Variants in ABCA12 observed in about 807,000 individuals in gnomAD.
ABCA12 encodes the protein ATP binding cassette subfamily A member 12.
In ABCA12, 156 loss-of-function variants were observed where a neutral mutation model predicts 293.5. That is an observed-to-expected ratio of 0.53 (90% CI 0.47 to 0.61). ABCA12 has a LOEUF of 0.61. ABCA12 is among the 20% of genes least tolerant of loss of function. The pLI, the probability that ABCA12 is intolerant of heterozygous loss-of-function variation, is 0.00. For synonymous variants in ABCA12, 1,063 were observed against 1,108.0 expected (o/e 0.96, Z 0.81); for missense variants, 2,797 against 3,090.2 (o/e 0.91, Z 2.25).
chr2:215,073,921 C>G (rs1701786749), intron 2 of ABCA12, among the ~76,000 whole-genome samples: 1 of 152,198 alleles, frequency 6.6e-6, no homozygotes, highest in Non-Finnish European at 1.5e-5. Context: ...GCTTAGGAAA[C>G]TAAACTCTAT....
At chr2:215,112,048 A>G (rs1702581472) in intron 1 of ABCA12, among the ~76,000 whole-genome samples, 1 of 152,256 alleles carries the variant, frequency 6.6e-6, no homozygotes, top group Admixed American at 6.5e-5. Flanking sequence ...ATAAGACACA[A>G]TGTTCTAAAC....
intron 21 of ABCA12, 57 bp from the exon 22 acceptor site, chr2:215,001,077 T>C: frequency 1.3e-6 from 2 of 1,558,368 alleles, no homozygotes; most frequent in South Asian, 1.1e-5. Flanking sequence ...ACGTTATTCA[T>C]TGTTTGGAGA....
rs1698617995 is a variant in ABCA12, at chr2:214,947,453, G to A, written c.7208C>T (p.Ala2403Val). Residue 2403 changes from alanine to valine, a missense_variant, in exon 48 of 53, where the codon GCC (alanine) becomes GTC (valine). By Grantham distance (64) the Ala-to-Val change is moderately conservative (BLOSUM62 0). This residue lies in a region of ABCA12 where 2,130 missense variants were observed against 2,427.0 expected (regional missense o/e 0.88). Coordinates refer to ENST00000272895, the MANE Select transcript of ABCA12 (RefSeq NM_173076.3). ...GTKRKLSTAL[A>V]LIGKPSILLL... ...TAGAATGGAAGGTTTCCCTATCAAG[G>A]CCAGTGCAGTGGATAATTTTCTTTT... is the stretch of plus-strand genomic sequence containing the variant. 6.2e-7 allele frequency: 1 copy of A among 1,613,940 alleles called. No individual in the cohort carries two copies. The highest frequency in any genetic ancestry group is 1.3e-5 in the African/African-American group (1 of 75,016).
At chr2:215,020,712 T>G (rs1393874178) in intron 11 of ABCA12, 1 of 123,218 alleles carries the variant, frequency 8.1e-6, no homozygotes, top group African/African-American at 3.0e-5. Flanking sequence ...TTATTTTTAT[T>G]TTTTGAGACA....
At chr2:215,016,174 G>A (rs981192780) in intron 14 of ABCA12, among the ~76,000 whole-genome samples, 1 of 151,784 alleles carries the variant, frequency 6.6e-6, no homozygotes, top group Non-Finnish European at 1.5e-5. Context: ...GGGGAAAAAA[G>A]AGACAAGGAG....
intron 1 of ABCA12, among the ~76,000 whole-genome samples, chr2:215,133,084 G>C (rs1275970401): frequency 6.9e-6 from 1 of 144,878 alleles, no homozygotes; most frequent in South Asian, 2.3e-4. Flanking sequence ...CTGCCAAGAA[G>C]TCCACTGTTA....
intron 8 of ABCA12, 92 bp downstream of exon 8, chr2:215,036,861 T>C: frequency 9.0e-7 from 1 of 1,108,164 alleles, no homozygotes; most frequent in Non-Finnish European, 1.4e-6. Flanking sequence ...AATAATATCA[T>C]CTCTACATGA....
At chr2:215,128,700 C>A (rs1392573798) in intron 1 of ABCA12, among the ~76,000 whole-genome samples, 1 of 151,498 alleles carries the variant, frequency 6.6e-6, no homozygotes, top group Non-Finnish European at 1.5e-5. Context: ...CCCTTCACTT[C>A]TTCTTTCATG....
intron 23 of ABCA12, among the ~76,000 whole-genome samples, chr2:214,992,269 C>T (rs945983859): frequency 1.3e-5 from 2 of 151,464 alleles, no homozygotes; most frequent in East Asian, 2.0e-4. Context: ...AATGAAACCC[C>T]GTTTCTACTT....
At position 215,122,814 on chromosome 2, in the gene ABCA12, G is replaced by T. The variant is rs556222739; in HGVS notation, c.70-11124C>A. On this transcript the variant is annotated intron_variant, in intron 1 of 52. Coordinates refer to ENST00000272895, the MANE Select transcript of ABCA12 (RefSeq NM_173076.3). The stretch of plus-strand genomic sequence containing the variant: ...CTTCTTTTTTAAAAATTTGCGATTT[G>T]GGGGTACATGTGCTTGTTGGTTATA... Among the ~76,000 whole-genome samples the T allele has an allele frequency of 1.6e-3, 240 of 152,268 alleles. 1 individual carries two copies. Among genetic ancestry groups the T allele is most frequent in the Middle Eastern group, 0.014 (4 of 294 alleles).
intron 7 of ABCA12, among the ~76,000 whole-genome samples, chr2:215,040,878 C>CA (rs996887689): frequency 4.0e-5 from 6 of 151,166 alleles, no homozygotes; most frequent in Non-Finnish European, 8.8e-5. Context: ...ATTTCTTCTA[C>CA]AAAAAAAAGG....
intron 2 of ABCA12, among the ~76,000 whole-genome samples, chr2:215,076,413 A>G (rs1701834223): frequency 6.6e-6 from 1 of 152,212 alleles, no homozygotes; most frequent in African/African-American, 2.4e-5. Flanking sequence ...TTTCTAAGAA[A>G]AAGTTCTTTT....
At chr2:215,067,991 G>A (rs1701668194) in intron 2 of ABCA12, among the ~76,000 whole-genome samples, 1 of 152,088 alleles carries the variant, frequency 6.6e-6, no homozygotes, top group African/African-American at 2.4e-5. Context: ...GATATCAATG[G>A]ATATATGTAA....
At chr2:214,973,637 T>A (rs7583785) in intron 36 of ABCA12, among the ~76,000 whole-genome samples, 12 of 152,228 alleles carry the variant, frequency 7.9e-5, no homozygotes, top group East Asian at 3.9e-4. Context: ...AGTTATGGTC[T>A]CATTTTTTCC....
At chr2:214,948,791 G>T in intron 46 of ABCA12, 54 bp from the exon 47 acceptor site, 1 of 1,609,888 alleles carries the variant, frequency 6.2e-7, no homozygotes, top group Non-Finnish European at 8.5e-7. Context: ...TATCCCTCCT[G>T]GTTCCCAAAT....
At position 214,954,103 on chromosome 2, in the gene ABCA12, A is replaced by G. The variant is rs1245884944; in HGVS notation, c.6398T>C (p.Leu2133Ser). Residue 2133 changes from leucine (L) to serine (S), a missense_variant, in exon 44 of 53, where the codon TTA becomes TCA. Leu to Ser is a moderately radical substitution (Grantham distance 145, BLOSUM62 -2). Coordinates refer to ENST00000272895, the MANE Select transcript of ABCA12 (RefSeq NM_173076.3). ...LSKEKPNDPT[L>S]ELISETLKRI... is the part of the protein sequence containing the mutation. ...CTTGAGGGTTTCAGAAATAAGTTCT[A>G]AAGTCTGAAATAAGAGAAATAAAAA... 6.2e-7 allele frequency: 1 copy of G among 1,613,534 alleles called. No homozygotes were observed. Among genetic ancestry groups the G allele is most frequent in the Non-Finnish European group, 8.5e-7 (1 of 1,179,956 alleles).
chr2:214,951,053 A>T lies in ABCA12; in HGVS notation c.6678T>A (p.His2226Gln). Reference sequence around the variant, plus strand: ...CATCCTCATCTATTGTCTCCCTTACATGTGAAGAATTAAATTTTCTGAAGA... The same window carrying T: ...CATCCTCATCTATTGTCTCCCTTACTTGTGAAGAATTAAATTTTCTGAAGA... Reference protein sequence around the residue: ...RLFFRKFNSSHVRETIDEDED... With the variant: ...RLFFRKFNSSQVRETIDEDED... Residue 2226 changes from histidine to glutamine, a missense_variant, in exon 45 of 53, where the codon CAT becomes CAA. By Grantham distance (24) the His-to-Gln change is conservative. Coordinates refer to ENST00000272895, the MANE Select transcript of ABCA12 (RefSeq NM_173076.3). 1 of 1,614,086 alleles carries T rather than the reference A, an allele frequency of 6.2e-7. No individual in the cohort carries two copies. Among genetic ancestry groups the T allele is most frequent in the Non-Finnish European group, 8.5e-7 (1 of 1,180,006 alleles).
chr2:215,076,273 T>C (rs1419741575), intron 2 of ABCA12, among the ~76,000 whole-genome samples: 1 of 152,178 alleles, frequency 6.6e-6, no homozygotes, highest in Non-Finnish European at 1.5e-5. Context: ...CGCAGATCCA[T>C]TTTTCGTCAA....
At chr2:215,029,433 CCCTT>C (rs1343829504) in intron 9 of ABCA12, 1 of 152,200 alleles carries the variant, frequency 6.6e-6, no homozygotes. Context: ...CCCAATATTG[CCCTT>C]CCTTCTTTTG....
Sources: allele counts gnomAD v4.1 joint callset (sites outside exome capture counted in the v4.1 genomes callset), GRCh38; gene constraint gnomAD v4.1.1; regional missense constraint gnomAD v4.1.1; transcripts MANE v1.5; gene names NCBI Gene and HGNC (gene_info 2026-07-23, HGNC 2026-07-21).